The following LNPEP variants were observed in gnomAD, a reference collection of about 807,000 sequenced individuals.
LNPEP encodes leucyl and cystinyl aminopeptidase, also known as leucyl-cystinyl aminopeptidase.
A neutral mutation model predicts 120.6 loss-of-function variants in LNPEP; 64 were observed. That is an observed-to-expected ratio of 0.53 (90% CI 0.43 to 0.65). The LOEUF (loss-of-function observed/expected upper bound fraction) is 0.65, where lower values mean the gene tolerates loss of function less well. Among genes scored for constraint, LNPEP ranks in the 30% least tolerant of loss-of-function variants. The probability of loss-of-function intolerance (pLI) is 0.00; values close to 1 mark genes in which losing one functional copy is unlikely to be tolerated. For synonymous variants in LNPEP, 435 were observed against 425.4 expected (o/e 1.02, Z -0.28); for missense variants, 1,057 against 1,200.0 (o/e 0.88, Z 1.76).
intron 5 of LNPEP, 100 bp from the exon 6 acceptor site, chr5:96,993,717 A>G: frequency 9.1e-7 from 1 of 1,093,384 alleles, no homozygotes; most frequent in Non-Finnish European, 1.3e-6. Context: ...TATAAAAAGA[A>G]TTCATTGCTT....
intron 2 of LNPEP, among the ~76,000 whole-genome samples, chr5:96,983,373 T>C (rs1404271230): frequency 6.6e-6 from 1 of 152,226 alleles, no homozygotes; most frequent in African/African-American, 2.4e-5. Flanking sequence ...CTAGTTATTC[T>C]TTTACTTAAC....
At chr5:96,995,104 C>T (rs564786233) in intron 6 of LNPEP, among the ~76,000 whole-genome samples, 2 of 151,932 alleles carry the variant, frequency 1.3e-5, no homozygotes, top group East Asian at 3.9e-4. Flanking sequence ...GAAACTCCAT[C>T]TCAAAAAAAA....
chr5:96,962,707 G>A (rs1333233288), intron 1 of LNPEP: 1 of 149,044 alleles, frequency 6.7e-6, no homozygotes, highest in African/African-American at 2.5e-5. Context: ...AAATAAGCCT[G>A]TAACTGGTTG....
chr5:96,951,928 G>A (rs1434590024), intron 1 of LNPEP, among the ~76,000 whole-genome samples: 1 of 152,122 alleles, frequency 6.6e-6, no homozygotes, highest in Non-Finnish European at 1.5e-5. Flanking sequence ...TGTCTGGAGA[G>A]TTTGGGAGTA....
chr5:97,027,047 T>C (rs1398076313), intron 16 of LNPEP, among the ~76,000 whole-genome samples: 1 of 152,206 alleles, frequency 6.6e-6, no homozygotes, highest in African/African-American at 2.4e-5. Flanking sequence ...CATTTAGCTA[T>C]GCATATTGAA....
chr5:97,030,620 C>CTCTGTGTGTGTG lies in LNPEP; in HGVS notation c.*2088_*2089insCTGTGTGTGTGT, dbSNP rs1554071749. The CTCTGTGTGTGTG allele has an allele frequency of 2.8e-4, 36 of 126,364 alleles. No individual in the cohort carries two copies. Among genetic ancestry groups the CTCTGTGTGTGTG allele is most frequent in the Non-Finnish European group, 4.9e-4 (29 of 59,450 alleles). 7.8% of individuals were successfully genotyped at this position (126,364 alleles called of 1,614,324 possible). A position where few individuals can be genotyped will look rare whatever the true frequency, so the allele number is the denominator to read the frequency against. The stretch of plus-strand genomic sequence containing the variant: ...CATTTCTCTCCCTCTCTCTCTCTCT[C>CTCTGTGTGTGTG]TGTGTGTGTGTGTGTGTGTGTGTGT... On this transcript the variant is annotated 3_prime_UTR_variant, in exon 18 of 18. Transcript: ENST00000231368.
At chr5:96,950,271 A>G (rs1232107150) in intron 1 of LNPEP, among the ~76,000 whole-genome samples, 1 of 152,200 alleles carries the variant, frequency 6.6e-6, no homozygotes, top group East Asian at 1.9e-4. Flanking sequence ...TCATAGCTAG[A>G]GAGCTGCTGT....
In LNPEP at chr5:96,944,560, C is replaced by CTTTTTTTTTTTT. The variant is rs60017687; in HGVS notation, c.19+8401_19+8412dup. 1.2e-4 allele frequency among the ~76,000 whole-genome samples: 7 copies of CTTTTTTTTTTTT among 56,372 alleles called. 3 individuals carry two copies. Among genetic ancestry groups the CTTTTTTTTTTTT allele is most frequent in the Non-Finnish European group, 2.3e-4 (7 of 30,080 alleles). The allele number at this position is 56,372 out of a possible 152,430, so 37.0% of individuals were successfully genotyped here. On this transcript the variant is annotated intron_variant, in intron 1 of 17. Coordinates refer to ENST00000231368, the MANE Select transcript of LNPEP (RefSeq NM_005575.3). ...TTCTTTTTTGTTTTTCTTATTTTTG[C>CTTTTTTTTTTTT]TTTTTTTTTTTTTTTTTTTTTTTTT...
At chr5:96,974,317 G>C (rs1443755204) in intron 1 of LNPEP, among the ~76,000 whole-genome samples, 1 of 152,112 alleles carries the variant, frequency 6.6e-6, no homozygotes, top group African/African-American at 2.4e-5. Context: ...AAGGCTCTCT[G>C]CTGTTTTGTG....
At chr5:96,994,109 A>G in intron 6 of LNPEP, 138 bp downstream of exon 6, 1 of 692,958 alleles carries the variant, frequency 1.4e-6, no homozygotes, top group African/African-American at 1.8e-5. Context: ...TGCTTTTTAA[A>G]CACAAACTTC....
intron 1 of LNPEP, among the ~76,000 whole-genome samples, chr5:96,962,148 C>T (rs1164912528): frequency 6.6e-6 from 1 of 152,136 alleles, no homozygotes; most frequent in African/African-American, 2.4e-5. Flanking sequence ...GTAGAGGTGG[C>T]TCTGTGACCC....
At chr5:97,021,925 T>G (rs1483118745) in intron 13 of LNPEP, among the ~76,000 whole-genome samples, 5 of 40,798 alleles carry the variant, frequency 1.2e-4, no homozygotes, top group African/African-American at 3.8e-4. Context: ...TGTCTTTTGT[T>G]TTTTTTTTTT....
intron 4 of LNPEP, among the ~76,000 whole-genome samples, chr5:96,989,283 ATATATAATT>A (rs1561442877): frequency 2.3e-5 from 3 of 131,112 alleles, no homozygotes; most frequent in African/African-American, 8.6e-5. Context: ...ATATTATATA[ATATATAATT>A]TATATATAAT....
chr5:96,996,355 A>G, intron 6 of LNPEP, 35 bp from the exon 7 acceptor site: 1 of 1,190,148 alleles, frequency 8.4e-7, no homozygotes, highest in East Asian at 2.4e-5. Context: ...GAGGCTGTAA[A>G]TATCCTGTGG....
chr5:97,005,624 G>C (rs3797792), intron 9 of LNPEP, among the ~76,000 whole-genome samples: 2,182 of 152,260 alleles, frequency 0.014, 52 homozygotes, highest in South Asian at 0.088. Flanking sequence ...AGCATAAAGA[G>C]AAACCCAGAC....
intron 13 of LNPEP, among the ~76,000 whole-genome samples, chr5:97,020,225 T>C (rs1236899383): frequency 3.3e-5 from 5 of 152,182 alleles, no homozygotes; most frequent in South Asian, 2.1e-4. Flanking sequence ...TAGGATTCAT[T>C]TTAGGTATTG....
At chr5:96,980,447 C>G (rs1423154566) in intron 2 of LNPEP, among the ~76,000 whole-genome samples, 1 of 151,948 alleles carries the variant, frequency 6.6e-6, no homozygotes, top group South Asian at 2.1e-4. Flanking sequence ...TTAATCTTTA[C>G]TGGTTTATTA....
intron 1 of LNPEP, among the ~76,000 whole-genome samples, chr5:96,973,718 G>A (rs577053527): frequency 3.3e-5 from 5 of 152,198 alleles, no homozygotes; most frequent in African/African-American, 1.2e-4. Context: ...GCCCTGGAAT[G>A]AATCCCCCAC....
chr5:96,991,867 G>C lies in LNPEP; in HGVS notation c.1132-1148G>C, dbSNP rs1175034921. 3.3e-5 allele frequency among the ~76,000 whole-genome samples: 5 copies of C among 152,180 alleles called. No individual in the cohort carries two copies. The East Asian group carries it at 9.6e-4, about 29-fold the overall frequency. ...ATCATAATGAGAAACTAAAATTGGA[G>C]TTAAGAGTTCACCAATGTGCTTTTT... On this transcript the variant is annotated intron_variant, in intron 4 of 17. Transcript: ENST00000231368.
Sources: gnomAD v4.1 joint callset for allele counts (sites outside exome capture counted in the v4.1 genomes callset) on GRCh38, gnomAD v4.1.1 for gene constraint, MANE v1.5 for transcripts, NCBI Gene and HGNC (gene_info 2026-07-23, HGNC 2026-07-21) for gene names.